Variants in TOPAZ1 observed in about 807,000 individuals in gnomAD.
TOPAZ1 encodes the protein testis and ovary specific TOPAZ 1, also known as protein TOPAZ1.
A neutral mutation model predicts 172.2 loss-of-function variants in TOPAZ1; 66 were observed. The ratio of observed to expected loss-of-function variants is 0.38; its 90% CI spans 0.31 to 0.47. TOPAZ1 has a LOEUF of 0.47. TOPAZ1 is among the 20% of genes least tolerant of loss of function. The pLI is 0.99. For missense variants in TOPAZ1, 1,822 were observed against 1,972.4 expected, an observed-to-expected ratio of 0.92 and a Z score of 1.44; for synonymous variants, 681 against 683.9, an observed-to-expected ratio of 1.00 and a Z score of 0.07.
chr3:44,287,903 G>C, intron 11 of TOPAZ1, 64 bp downstream of exon 11: 1 of 196,496 alleles, frequency 5.1e-6, no homozygotes, highest in Non-Finnish European at 7.4e-6. Context: ...TTGTTTCCAT[G>C]GGGGGGTACC....
intron 8 of TOPAZ1, among the ~76,000 whole-genome samples, chr3:44,279,114 T>C (rs1699995891): frequency 6.6e-6 from 1 of 152,206 alleles, no homozygotes; most frequent in Non-Finnish European, 1.5e-5. Flanking sequence ...GGTTGTTTAG[T>C]TTCCATGTAT....
At chr3:44,250,358 C>T (rs1488623) in intron 2 of TOPAZ1, among the ~76,000 whole-genome samples, 67,145 of 151,300 alleles carry the variant, frequency 0.44, 16,568 homozygotes, top group East Asian at 0.81. Flanking sequence ...TGTCCCATTC[C>T]GCTGAGAATC....
At chr3:44,315,962 C>T (rs1052948025) in intron 16 of TOPAZ1, among the ~76,000 whole-genome samples, 11 of 151,964 alleles carry the variant, frequency 7.2e-5, no homozygotes, top group African/African-American at 2.4e-4. Context: ...AGGCCAGGCA[C>T]AGTGACTCAT....
Position 44,304,417 on chromosome 3 carries a change from T to C in TOPAZ1, c.3864+336T>C, listed in dbSNP as rs569623469. Among the ~76,000 whole-genome samples, 3 of 152,224 alleles carry C rather than the reference T, an allele frequency of 2.0e-5. No individual in the cohort carries two copies. In the East Asian group the frequency reaches 5.8e-4, roughly 29 times the overall value. On this transcript the variant is annotated intron_variant, in intron 13 of 19. Transcript: ENST00000309765. ...GTGCATAAGAAAGCTGAGGTACTTG[T>C]CATGGATGGCTACAGTACATGAAAT...
In TOPAZ1 at chr3:44,243,643, T is replaced by A; in HGVS notation, c.1137T>A (p.Asn379Lys). ...AAGCAGAGACTAAAAGTCCTTTAAA[T>A]GTTTTGAGAAAAGTAAGCCATAATA... ...GKEAETKSPL[N>K]VLRKVSHNTV... The change falls in exon 2 of 20, where the codon AAT becomes AAA. Residue 379 changes from asparagine (N) to lysine (K), a missense_variant. Transcript: ENST00000309765. 6.5e-7 allele frequency: 1 copy of A among 1,550,070 alleles called. No individual in the cohort carries two copies. Among genetic ancestry groups the A allele is most frequent in the Non-Finnish European group, 8.7e-7 (1 of 1,146,942 alleles).
At chr3:44,322,011 TCTC>T in intron 17 of TOPAZ1, among the ~76,000 whole-genome samples, 1 of 152,298 alleles carries the variant, frequency 6.6e-6, no homozygotes, top group Non-Finnish European at 1.5e-5. Context: ...GGAATTTTCT[TCTC>T]TGTGTATAAA....
intron 17 of TOPAZ1, among the ~76,000 whole-genome samples, chr3:44,322,807 A>G (rs1700556193): frequency 6.6e-6 from 1 of 152,144 alleles, no homozygotes; most frequent in African/African-American, 2.4e-5. Context: ...AGTCCAAGCT[A>G]CTTAGGAGGC....
chr3:44,316,978 C>T (rs979545544), intron 16 of TOPAZ1, among the ~76,000 whole-genome samples: 2 of 152,116 alleles, frequency 1.3e-5, no homozygotes, highest in African/African-American at 4.8e-5. Context: ...TTTGTCTATC[C>T]TCTCTCCACT....
chr3:44,274,762 CA>C (rs1300853169), intron 8 of TOPAZ1, among the ~76,000 whole-genome samples: 2 of 152,004 alleles, frequency 1.3e-5, no homozygotes, highest in Non-Finnish European at 2.9e-5. Context: ...TCATGTTGGT[CA>C]GGCTGGTCTT....
At chr3:44,288,071 A>G (rs933082720) in intron 11 of TOPAZ1, among the ~76,000 whole-genome samples, 2 of 152,118 alleles carry the variant, frequency 1.3e-5, no homozygotes, top group South Asian at 2.1e-4. Flanking sequence ...TTTTTGATGT[A>G]TGAATTGTCT....
chr3:44,271,935 G>T (rs1022555554), intron 8 of TOPAZ1, among the ~76,000 whole-genome samples: 2 of 151,988 alleles, frequency 1.3e-5, no homozygotes, highest in Non-Finnish European at 2.9e-5. Context: ...CTGTCCTCTG[G>T]TAACTACTGT....
At position 44,243,488 on chromosome 3, in the gene TOPAZ1, C is replaced by T. The variant is rs766809216; in HGVS notation, c.982C>T (p.Arg328Ter). ...KYSIEESSVG[R>*]KPRKRMKLSE... is the part of the protein sequence containing the mutation. ...TTCAATAGAGGAGAGCAGTGTTGGG[C>T]GAAAACCCAGGAAAAGGATGAAGTT... The change falls in exon 2 of 20, where the codon CGA becomes TGA. Residue 328 changes from arginine to a stop codon, truncating the protein, a stop_gained. Transcript: ENST00000309765. LOFTEE classifies it high-confidence loss of function. 7.1e-6 allele frequency: 11 copies of T among 1,551,558 alleles called. No individual in the cohort carries two copies. Among genetic ancestry groups the T allele is most frequent in the Non-Finnish European group, 8.7e-7 (1 of 1,146,962 alleles).
chr3:44,269,355 C>A, intron 7 of TOPAZ1, 54 bp downstream of exon 7: 1 of 981,752 alleles, frequency 1.0e-6, no homozygotes, highest in Non-Finnish European at 1.6e-6. Context: ...TCCCCCTCCT[C>A]CTCCTTCTCC....
chr3:44,254,825 T>C, intron 2 of TOPAZ1, 143 bp from the exon 3 acceptor site: 1 of 500,876 alleles, frequency 2.0e-6, no homozygotes, highest in East Asian at 3.0e-5. Flanking sequence ...GGGTTCTGTG[T>C]CTCATTATAG....
At chr3:44,296,872 A>AAG (rs386396496) in intron 12 of TOPAZ1, among the ~76,000 whole-genome samples, 24 of 66,330 alleles carry the variant, frequency 3.6e-4, no homozygotes, top group African/African-American at 2.0e-3. Context: ...AAAGAAAAAA[A>AAG]AAAGAAAAGC....
chr3:44,319,176 C>T (rs971528296), intron 16 of TOPAZ1, among the ~76,000 whole-genome samples: 1 of 152,088 alleles, frequency 6.6e-6, no homozygotes, highest in African/African-American at 2.4e-5. Flanking sequence ...CCCATGCTGC[C>T]CCTCACAGAC....
At chr3:44,247,108 GA>G (rs1437167315) in intron 2 of TOPAZ1, among the ~76,000 whole-genome samples, 2 of 152,092 alleles carry the variant, frequency 1.3e-5, no homozygotes, top group East Asian at 3.9e-4. Flanking sequence ...TGTTGGGGGG[GA>G]AATCCACCAC....
At chr3:44,254,922 G>T (rs1357367704) in intron 2 of TOPAZ1, 46 bp from the exon 3 acceptor site, 5 of 1,397,028 alleles carry the variant, frequency 3.6e-6, no homozygotes, top group Non-Finnish European at 4.9e-6. Context: ...GGATAGTTCT[G>T]CTTAGAATCT....
chr3:44,281,186 G>A (rs1700019664), intron 8 of TOPAZ1, among the ~76,000 whole-genome samples: 1 of 152,120 alleles, frequency 6.6e-6, no homozygotes, highest in South Asian at 2.1e-4. Context: ...CTCTGTATAA[G>A]ACAAGCAAAC....
Sources: gnomAD v4.1 joint callset for allele counts (sites outside exome capture counted in the v4.1 genomes callset) on GRCh38, gnomAD v4.1.1 for gene constraint, MANE v1.5 for transcripts, NCBI Gene and HGNC (gene_info 2026-07-23, HGNC 2026-07-21) for gene names.